The following GALNT1 variants were observed in gnomAD, a reference collection of about 807,000 sequenced individuals.
GALNT1 encodes the protein GalNAc transferase 1.
In GALNT1, 17 loss-of-function variants were observed where a neutral mutation model predicts 65.7. The ratio of observed to expected loss-of-function variants is 0.26; its 90% CI spans 0.18 to 0.39. The LOEUF (loss-of-function observed/expected upper bound fraction) is 0.39. Ranked by LOEUF, GALNT1 falls within the 10% of genes least tolerant of loss-of-function variation. The pLI is 1.00. For missense variants in GALNT1, 460 were observed against 672.8 expected (o/e 0.68, Z 3.50); for synonymous variants, 210 against 219.7 (o/e 0.96, Z 0.39).
chr18:35,691,241 C>T lies in GALNT1; in HGVS notation c.1159+49C>T, dbSNP rs757002298. On this transcript the variant is annotated intron_variant, in intron 8 of 11. Coordinates refer to ENST00000269195, the MANE Select transcript of GALNT1 (RefSeq NM_020474.4). ...ATACAAGGCTGTACCTTTGTTGACC[C>T]TGATCCTGGAGGAGAAGTAAGAAGG... The T allele has an allele frequency of 2.7e-6, 4 of 1,491,938 alleles. No individual in the cohort carries two copies. In the East Asian group the frequency reaches 9.1e-5, roughly 34 times the overall value. The allele number at this position is 1,491,938 out of a possible 1,614,324, so 92.4% of individuals were successfully genotyped here.
chr18:35,689,238 A>T lies in GALNT1; in HGVS notation c.926A>T (p.Tyr309Phe). The change falls in exon 7 of 12, where the codon TAT becomes TTT. Residue 309 changes from tyrosine (Y) to phenylalanine (F), a missense_variant. By Grantham distance (22) the Tyr-to-Phe change is conservative. Transcript: ENST00000269195. ...DRDYFQEIGT[Y>F]DAGMDIWGGE... is the part of the protein sequence containing the mutation. ...GATTACTTTCAGGAAATTGGAACAT[A>T]TGATGCTGGAATGGATATTTGGGGA... 1 of 1,612,788 alleles carries T rather than the reference A, an allele frequency of 6.2e-7. No homozygotes were observed. The highest frequency in any genetic ancestry group is 8.5e-7 in the Non-Finnish European group (1 of 1,179,396).
At chr18:35,703,765 A>C (rs1329960675) in intron 11 of GALNT1, 122 bp downstream of exon 11, 5 of 891,078 alleles carry the variant, frequency 5.6e-6, no homozygotes, top group Admixed American at 6.7e-5. Context: ...TGTCTTATAC[A>C]CTAAATATTG....
intron 2 of GALNT1, among the ~76,000 whole-genome samples, chr18:35,661,227 G>A (rs969817483): frequency 1.3e-5 from 2 of 151,928 alleles, no homozygotes; most frequent in South Asian, 2.1e-4. Flanking sequence ...GGCTGGGAGC[G>A]GTGGCTCACA....
chr18:35,706,312 C>G (rs756436410), intron 11 of GALNT1, among the ~76,000 whole-genome samples: 2 of 152,002 alleles, frequency 1.3e-5, no homozygotes, highest in African/African-American at 2.4e-5. Context: ...AGATCGAGAC[C>G]ACAGTGAAAC....
intron 1 of GALNT1, among the ~76,000 whole-genome samples, chr18:35,591,556 C>G (rs1410111686): frequency 6.6e-6 from 1 of 152,152 alleles, no homozygotes; most frequent in African/African-American, 2.4e-5. Context: ...CAGTCTGGCT[C>G]CACAGATTAT....
At chr18:35,590,055 A>C (rs1431067834) in intron 1 of GALNT1, among the ~76,000 whole-genome samples, 1 of 152,114 alleles carries the variant, frequency 6.6e-6, no homozygotes, top group Non-Finnish European at 1.5e-5. Context: ...ATTCTTTTTA[A>C]AATGATAGAC....
intron 1 of GALNT1, among the ~76,000 whole-genome samples, chr18:35,645,520 G>A (rs1204725897): frequency 6.6e-6 from 1 of 152,054 alleles, no homozygotes; most frequent in African/African-American, 2.4e-5. Flanking sequence ...GTGAGCTGCC[G>A]CACCTGGCCG....
At chr18:35,602,574 T>G (rs1481687286) in intron 1 of GALNT1, among the ~76,000 whole-genome samples, 1 of 152,228 alleles carries the variant, frequency 6.6e-6, no homozygotes, top group African/African-American at 2.4e-5. Context: ...CTCTTCTGAC[T>G]GTATTTTCCA....
At chr18:35,632,593 A>C (rs1481056456) in intron 1 of GALNT1, among the ~76,000 whole-genome samples, 2 of 152,232 alleles carry the variant, frequency 1.3e-5, no homozygotes, top group Non-Finnish European at 2.9e-5. Context: ...AAACCAGAAA[A>C]ACCCTAGAAG....
In GALNT1 at chr18:35,626,231, A is replaced by G. The variant is rs113631055; in HGVS notation, c.-103-28329A>G. Reference sequence around the variant, plus strand: ...CTCACTTTGTTGTCTCTCCTTCTATATTGCAAGCTCGTTGAGGATAGGGAC... The same window carrying G: ...CTCACTTTGTTGTCTCTCCTTCTATGTTGCAAGCTCGTTGAGGATAGGGAC... On this transcript the variant is annotated intron_variant, in intron 1 of 11. Transcript: ENST00000269195. Among the ~76,000 whole-genome samples the G allele has an allele frequency of 6.4e-3, 972 of 152,184 alleles. 19 individuals are homozygous for G. Among genetic ancestry groups the G allele is most frequent in the African/African-American group, 0.022 (922 of 41,508 alleles).
intron 1 of GALNT1, among the ~76,000 whole-genome samples, chr18:35,634,011 G>A (rs1478485137): frequency 6.6e-6 from 1 of 152,140 alleles, no homozygotes; most frequent in Non-Finnish European, 1.5e-5. Context: ...TGTGAGCTTT[G>A]CTTTGCAGTG....
chr18:35,598,655 T>C (rs1374720651), intron 1 of GALNT1, among the ~76,000 whole-genome samples: 1 of 152,232 alleles, frequency 6.6e-6, no homozygotes, highest in African/African-American at 2.4e-5. Context: ...GTTGATTCCA[T>C]TATTTTGGCT....
chr18:35,632,636 A>C (rs2047030160), intron 1 of GALNT1, among the ~76,000 whole-genome samples: 2 of 152,370 alleles, frequency 1.3e-5, no homozygotes, highest in African/African-American at 2.4e-5. Context: ...GGACATAGGC[A>C]TGGGCAAGGA....
chr18:35,710,282 T>C lies in GALNT1; in HGVS notation c.*512T>C, dbSNP rs1165402105. The C allele has an allele frequency of 6.5e-6, 1 of 153,274 alleles. No homozygotes were observed. The highest frequency in any genetic ancestry group is 2.4e-5 in the African/African-American group (1 of 41,428). 9.5% of individuals were successfully genotyped at this position (153,274 alleles called of 1,614,324 possible). A position where few individuals can be genotyped will look rare whatever the true frequency, so the allele number is the denominator to read the frequency against. ...CATTTTTACAACAACAAAAAAACTA[T>C]ATTAAACAGGGTTTAAAGGAAATTA... On this transcript the variant is annotated 3_prime_UTR_variant, in exon 12 of 12. Coordinates refer to ENST00000269195, the MANE Select transcript of GALNT1 (RefSeq NM_020474.4).
chr18:35,586,993 T>C (rs2046385160), intron 1 of GALNT1, among the ~76,000 whole-genome samples: 1 of 152,214 alleles, frequency 6.6e-6, no homozygotes, highest in African/African-American at 2.4e-5. Context: ...TTTATTTAGA[T>C]CCTTGATTTC....
At chr18:35,701,410 G>A (rs770058594) in intron 9 of GALNT1, among the ~76,000 whole-genome samples, 1 of 152,124 alleles carries the variant, frequency 6.6e-6, no homozygotes, top group Non-Finnish European at 1.5e-5. Flanking sequence ...AGCCATCATC[G>A]TCTGGTATTA....
At position 35,692,220 on chromosome 18, in the gene GALNT1, T is replaced by C. The variant is rs763511120; in HGVS notation, c.1199T>C (p.Val400Ala). Residue 400 changes from valine to alanine, a missense_variant, in exon 9 of 12, where the codon GTT becomes GCT. By Grantham distance (64) the Val-to-Ala change is moderately conservative (BLOSUM62 0). Coordinates refer to ENST00000269195, the MANE Select transcript of GALNT1 (RefSeq NM_020474.4). ...KVDYGDISSR[V>A]GLRHKLQCKP... is the part of the protein sequence containing the mutation. ...GATTATGGAGATATATCGTCAAGAG[T>C]TGGTCTAAGACACAAACTACAATGC... is the stretch of plus-strand genomic sequence containing the variant. The C allele has an allele frequency of 2.5e-5, 41 of 1,610,676 alleles. No homozygotes were observed. The highest frequency in any genetic ancestry group is 3.2e-5 in the Non-Finnish European group (38 of 1,177,752).
intron 1 of GALNT1, among the ~76,000 whole-genome samples, chr18:35,626,614 A>C (rs1309221111): frequency 6.6e-6 from 1 of 152,150 alleles, no homozygotes; most frequent in Non-Finnish European, 1.5e-5. Context: ...TAAATCAGTG[A>C]GGGCTTTATC....
At chr18:35,583,156 G>A (rs771419146) in intron 1 of GALNT1, among the ~76,000 whole-genome samples, 2 of 152,180 alleles carry the variant, frequency 1.3e-5, no homozygotes, top group Non-Finnish European at 2.9e-5. Context: ...ATCCTTTGAG[G>A]ATGTTTCCAT....
Sources: gnomAD v4.1 joint callset for allele counts (sites outside exome capture counted in the v4.1 genomes callset) on GRCh38, gnomAD v4.1.1 for gene constraint, MANE v1.5 for transcripts, NCBI Gene and HGNC (gene_info 2026-07-23, HGNC 2026-07-21) for gene names.